The following CACNA2D3 variants were observed in gnomAD, a reference collection of about 807,000 sequenced individuals.
The protein encoded by CACNA2D3 is calcium voltage-gated channel auxiliary subunit alpha2delta 3.
In CACNA2D3, 60 loss-of-function variants were observed where a neutral mutation model predicts 160.6. That is an observed-to-expected ratio of 0.37 (90% CI 0.30 to 0.46). The LOEUF (loss-of-function observed/expected upper bound fraction) is 0.46. Ranked by LOEUF, CACNA2D3 falls within the 20% of genes least tolerant of loss-of-function variation. The probability of loss-of-function intolerance (pLI) is 1.00; values close to 1 mark genes in which losing one functional copy is unlikely to be tolerated. For synonymous variants in CACNA2D3, 558 were observed against 492.9 expected (o/e 1.13, Z -1.75); for missense variants, 1,205 against 1,365.0 (o/e 0.88, Z 1.85).
rs1703963837 is a variant in CACNA2D3, at chr3:54,320,542, A to C, written c.305A>C (p.Lys102Thr). ...AKNMEEMFHK[K>T]SEAVRRLVEA... ...AACATGGAAGAGATGTTTCACAAGA[A>C]GTCTGAGGCCGTCAGGGTAAGTGCC... is the stretch of plus-strand genomic sequence containing the variant. Residue 102 changes from lysine (K) to threonine (T), a missense_variant, in exon 3 of 38, where the codon AAG becomes ACG. Transcript: ENST00000474759. The C allele has an allele frequency of 2.6e-6, 4 of 1,559,804 alleles. No individual in the cohort carries two copies. Among genetic ancestry groups the C allele is most frequent in the African/African-American group, 1.4e-5 (1 of 73,474 alleles).
chr3:54,233,197 C>T (rs1701808282), intron 2 of CACNA2D3, among the ~76,000 whole-genome samples: 1 of 152,184 alleles, frequency 6.6e-6, no homozygotes, highest in Non-Finnish European at 1.5e-5. Flanking sequence ...TCCACTCCCT[C>T]CCATCCCCAG....
chr3:55,068,699 C>G (rs1704726544), intron 35 of CACNA2D3, among the ~76,000 whole-genome samples: 2 of 151,898 alleles, frequency 1.3e-5, no homozygotes, highest in Non-Finnish European at 2.9e-5. Context: ...ACCCTGTCAC[C>G]TGGTGCCAAG....
intron 27 of CACNA2D3, among the ~76,000 whole-genome samples, chr3:54,902,977 C>A (rs1356742117): frequency 1.3e-5 from 2 of 152,186 alleles, no homozygotes; most frequent in Non-Finnish European, 2.9e-5. Flanking sequence ...GGCACTCTAG[C>A]TATAAATAAA....
intron 2 of CACNA2D3, among the ~76,000 whole-genome samples, chr3:54,201,675 C>T (rs951719309): frequency 3.9e-5 from 6 of 152,064 alleles, no homozygotes; most frequent in Admixed American, 1.3e-4. Flanking sequence ...ATGAAATTAT[C>T]GAAAGACTGT....
chr3:54,771,633 C>G (rs1349992337), intron 13 of CACNA2D3, among the ~76,000 whole-genome samples: 2 of 152,208 alleles, frequency 1.3e-5, no homozygotes, highest in Admixed American at 1.3e-4. Flanking sequence ...TTGTTTTCCT[C>G]CAGCCCAGCA....
At chr3:54,910,922 T>C (rs905807408) in intron 27 of CACNA2D3, among the ~76,000 whole-genome samples, 1 of 152,238 alleles carries the variant, frequency 6.6e-6, no homozygotes, top group African/African-American at 2.4e-5. Context: ...CATGTCATCT[T>C]GGATAATATT....
chr3:54,313,893 A>AT (rs201946310), intron 2 of CACNA2D3, among the ~76,000 whole-genome samples: 1,934 of 146,720 alleles, frequency 0.013, 27 homozygotes, highest in African/African-American at 0.038. Flanking sequence ...CTTTCTTTAA[A>AT]TTTTTTTTTT....
intron 9 of CACNA2D3, among the ~76,000 whole-genome samples, chr3:54,597,938 G>C (rs564697516): frequency 1.3e-5 from 2 of 152,120 alleles, no homozygotes; most frequent in South Asian, 4.2e-4. Context: ...CGTGGGCACT[G>C]GTTGTGTCAC....
intron 5 of CACNA2D3, among the ~76,000 whole-genome samples, chr3:54,535,255 A>G (rs894838277): frequency 1.3e-5 from 2 of 152,238 alleles, no homozygotes; most frequent in African/African-American, 4.8e-5. Flanking sequence ...GTGCCCAGCA[A>G]TCTTGTTTTT....
chr3:54,706,139 C>T (rs1053057953), intron 11 of CACNA2D3, among the ~76,000 whole-genome samples: 4 of 152,156 alleles, frequency 2.6e-5, no homozygotes, highest in East Asian at 3.9e-4. Context: ...GAAGCATTTG[C>T]GTGAAGACCC....
intron 11 of CACNA2D3, among the ~76,000 whole-genome samples, chr3:54,663,610 C>CTAAA (rs1389915563): frequency 1.3e-5 from 2 of 152,250 alleles, no homozygotes; most frequent in African/African-American, 4.8e-5. Flanking sequence ...ATGAAGACAA[C>CTAAA]TAAATGCATT....
intron 5 of CACNA2D3, among the ~76,000 whole-genome samples, chr3:54,509,660 C>G (rs758875147): frequency 6.6e-6 from 1 of 152,106 alleles, no homozygotes; most frequent in Non-Finnish European, 1.5e-5. Context: ...AGTTTGGATT[C>G]CAGGAACCCC....
chr3:54,588,050 CA>C (rs1702795034), intron 9 of CACNA2D3, among the ~76,000 whole-genome samples: 1 of 152,136 alleles, frequency 6.6e-6, no homozygotes, highest in Non-Finnish European at 1.5e-5. Flanking sequence ...AACTTACATG[CA>C]AGAATCCTCA....
At chr3:54,140,894 C>T (rs1355454966) in intron 2 of CACNA2D3, among the ~76,000 whole-genome samples, 1 of 152,128 alleles carries the variant, frequency 6.6e-6, no homozygotes, top group Non-Finnish European at 1.5e-5. Context: ...GAACACTTTA[C>T]CAGCTGAGAA....
chr3:54,883,955 T>A (rs1369561696), intron 21 of CACNA2D3, among the ~76,000 whole-genome samples: 3 of 152,210 alleles, frequency 2.0e-5, no homozygotes, highest in African/African-American at 7.2e-5. Context: ...ACTATCTCTT[T>A]TCTGCCACTA....
At chr3:54,747,674 T>C (rs1212786990) in intron 11 of CACNA2D3, among the ~76,000 whole-genome samples, 1 of 152,142 alleles carries the variant, frequency 6.6e-6, no homozygotes, top group Admixed American at 6.5e-5. Context: ...GTGACTGCAT[T>C]CCATTAACAC....
At chr3:54,137,958 T>G (rs1458405539) in intron 2 of CACNA2D3, among the ~76,000 whole-genome samples, 1 of 152,246 alleles carries the variant, frequency 6.6e-6, no homozygotes, top group Non-Finnish European at 1.5e-5. Context: ...ACCTAGGCTG[T>G]GTTTTCCCCA....
rs200407485 is a variant in CACNA2D3 at position 55,009,376 on chromosome 3, C to T, written c.2820-12C>T. 4.0e-5 allele frequency: 65 copies of T among 1,613,028 alleles called. No individual in the cohort carries two copies. The highest frequency in any genetic ancestry group is 2.2e-4 in the Admixed American group (13 of 59,998). The stretch of plus-strand genomic sequence containing the variant: ...GACGAAGTAACATTGGGCTTTTCCA[C>T]GATCTGTTTAGGTTCCTGGTGGAAT... On this transcript the variant is annotated splice_polypyrimidine_tract_variant and intron_variant, in intron 33 of 37. Transcript: ENST00000474759.
rs1304229165 is a variant in CACNA2D3, at chr3:54,463,132, C to T, written c.382-40360C>T. On this transcript the variant is annotated intron_variant, in intron 4 of 37. Transcript: ENST00000474759. ...ACTCTCTTCTGGCTTGTAGAGTTTC[C>T]GCCGAGAGATCCGCTGTTAGTCTGA... Among the ~76,000 whole-genome samples, 546 of 151,934 alleles carry T rather than the reference C, an allele frequency of 3.6e-3. 3 individuals carry two copies. Among genetic ancestry groups the T allele is most frequent in the Non-Finnish European group, 5.0e-3 (338 of 67,944 alleles).
Sources: allele counts gnomAD v4.1 joint callset (sites outside exome capture counted in the v4.1 genomes callset), GRCh38; gene constraint gnomAD v4.1.1; transcripts MANE v1.5; gene names NCBI Gene and HGNC (gene_info 2026-07-23, HGNC 2026-07-21).